The following SUMF1 variants were observed in gnomAD, a reference collection of about 807,000 sequenced individuals.
SUMF1 encodes sulfatase modifying factor 1.
A neutral mutation model predicts 47.6 loss-of-function variants in SUMF1; 48 were observed. The observed-to-expected ratio is 1.01, with a 90% CI of 0.80 to 1.28. The LOEUF (loss-of-function observed/expected upper bound fraction) is 1.28, where lower values mean the gene tolerates loss of function less well. SUMF1 is among the 50% of genes most tolerant of loss of function. SUMF1 has a pLI of 0.00. For missense variants in SUMF1, 571 were observed against 485.4 expected (o/e 1.18, Z -1.66); for synonymous variants, 230 against 192.1 (o/e 1.20, Z -1.63).
chr3:4,392,615 G>GTGTGTGTA (rs1433132957), intron 7 of SUMF1, among the ~76,000 whole-genome samples: 1 of 96,120 alleles, frequency 1.0e-5, no homozygotes, highest in East Asian at 2.4e-4. Flanking sequence ...GTGTGTGTGT[G>GTGTGTGTA]TATATATATA....
At chr3:4,279,316 A>G (rs1697483097) in intron 8 of SUMF1, among the ~76,000 whole-genome samples, 1 of 152,184 alleles carries the variant, frequency 6.6e-6, no homozygotes, top group South Asian at 2.1e-4. Context: ...TAATCTCACA[A>G]TGTAGAAACA....
intron 8 of SUMF1, among the ~76,000 whole-genome samples, chr3:4,075,518 G>C (rs1012250949): frequency 6.6e-6 from 1 of 152,032 alleles, no homozygotes; most frequent in Non-Finnish European, 1.5e-5. Context: ...AGAAAAAAAG[G>C]GTATTCAATT....
At chr3:4,231,236 T>C (rs1696292212) in intron 8 of SUMF1, among the ~76,000 whole-genome samples, 1 of 152,148 alleles carries the variant, frequency 6.6e-6, no homozygotes, top group South Asian at 2.1e-4. Flanking sequence ...AGGACTGTGA[T>C]GCAACCAACT....
intron 8 of SUMF1, among the ~76,000 whole-genome samples, chr3:4,143,401 G>T (rs570543901): frequency 5.5e-4 from 84 of 152,158 alleles, no homozygotes; most frequent in Non-Finnish European, 7.8e-4. Context: ...CAAGAAGTGA[G>T]TTTTCTTTTT....
intron 8 of SUMF1, among the ~76,000 whole-genome samples, chr3:4,159,681 C>T (rs1167639067): frequency 1.3e-5 from 2 of 151,998 alleles, no homozygotes; most frequent in East Asian, 3.9e-4. Context: ...AAATAACATC[C>T]TTTTCTTAAC....
chr3:4,084,536 G>A (rs1432841479), intron 8 of SUMF1, among the ~76,000 whole-genome samples: 2 of 152,058 alleles, frequency 1.3e-5, no homozygotes, highest in Non-Finnish European at 2.9e-5. Context: ...TACTTGATTA[G>A]TAAGAACCAA....
intron 7 of SUMF1, among the ~76,000 whole-genome samples, chr3:4,408,397 T>C (rs1301220880): frequency 6.6e-6 from 1 of 152,238 alleles, no homozygotes; most frequent in Admixed American, 6.5e-5. Flanking sequence ...CACAGTTATC[T>C]ATTACACTAT....
At chr3:4,393,328 G>A (rs997089970) in intron 7 of SUMF1, among the ~76,000 whole-genome samples, 2 of 152,034 alleles carry the variant, frequency 1.3e-5, no homozygotes, top group African/African-American at 4.8e-5. Flanking sequence ...TGAACTGACA[G>A]TTACATTTTT....
chr3:4,179,051 C>A (rs1385401105), intron 8 of SUMF1, among the ~76,000 whole-genome samples: 1 of 152,182 alleles, frequency 6.6e-6, no homozygotes, highest in African/African-American at 2.4e-5. Context: ...AGGACACAAA[C>A]AAATGGAAGA....
chr3:4,352,000 G>A (rs1687858), intron 8 of SUMF1, among the ~76,000 whole-genome samples: 81,388 of 151,994 alleles, frequency 0.54, 25,409 homozygotes, highest in African/African-American at 0.87. Flanking sequence ...AAGAATTTAA[G>A]CCCAGACAGT....
rs1159253142 is a variant in SUMF1 at position 4,298,331 on chromosome 3, A to G, written c.1014+77999T>C. On this transcript the variant is annotated intron_variant and NMD_transcript_variant, in intron 8 of 12. Coordinates refer to the SUMF1 transcript ENST00000448413. ...AAAGACTGACAGCTTGGCATTCTGA[A>G]GATTGGTTATATCAGCCTGCAAACA... Among the ~76,000 whole-genome samples, 6 of 152,214 alleles carry G rather than the reference A, an allele frequency of 3.9e-5. No individual in the cohort carries two copies. The South Asian group carries it at 8.3e-4, about 21-fold the overall frequency.
intron 8 of SUMF1, among the ~76,000 whole-genome samples, chr3:4,206,089 G>T (rs1695647144): frequency 6.6e-6 from 1 of 151,884 alleles, no homozygotes; most frequent in Admixed American, 6.6e-5. Flanking sequence ...AGGGCTTCAG[G>T]ACTCTGCTTG....
intron 7 of SUMF1, among the ~76,000 whole-genome samples, chr3:4,379,010 C>CTGTGTT (rs1700414902): frequency 6.6e-6 from 1 of 152,232 alleles, no homozygotes. Context: ...GTAGTAATGA[C>CTGTGTT]AGTCATCCCA....
intron 9 of SUMF1, among the ~76,000 whole-genome samples, chr3:4,042,437 A>G (rs1044928973): frequency 1.3e-5 from 2 of 152,186 alleles, no homozygotes; most frequent in Non-Finnish European, 2.9e-5. Flanking sequence ...CACTATCACA[A>G]TGACTGCAAA....
chr3:4,213,239 G>T (rs549076175), intron 8 of SUMF1, among the ~76,000 whole-genome samples: 1 of 152,180 alleles, frequency 6.6e-6, no homozygotes, highest in Non-Finnish European at 1.5e-5. Flanking sequence ...CAAGCCAGAA[G>T]AGAGTGGGGG....
chr3:4,428,692 A>G (rs1179504025), intron 3 of SUMF1, among the ~76,000 whole-genome samples: 2 of 138,106 alleles, frequency 1.4e-5, no homozygotes, highest in Non-Finnish European at 3.1e-5. Flanking sequence ...TACAGCGAAC[A>G]TATTTTTTAT....
intron 1 of SUMF1, among the ~76,000 whole-genome samples, chr3:4,463,306 G>C (rs1042381300): frequency 6.6e-6 from 1 of 152,110 alleles, no homozygotes; most frequent in Non-Finnish European, 1.5e-5. Flanking sequence ...CCTGGCCAAC[G>C]TGGTAAAACC....
At chr3:4,199,200 AT>A (rs1473354757) in intron 8 of SUMF1, among the ~76,000 whole-genome samples, 1 of 152,132 alleles carries the variant, frequency 6.6e-6, no homozygotes, top group East Asian at 1.9e-4. Context: ...TTCTGTCTCT[AT>A]AGTTCTGTCT....
intron 8 of SUMF1, among the ~76,000 whole-genome samples, chr3:4,138,128 T>C (rs1693988350): frequency 6.6e-6 from 1 of 152,106 alleles, no homozygotes; most frequent in Non-Finnish European, 1.5e-5. Context: ...GCGATGAACA[T>C]GGTAGAAATA....
Sources: gnomAD v4.1 joint callset for allele counts (sites outside exome capture counted in the v4.1 genomes callset) on GRCh38, gnomAD v4.1.1 for gene constraint, MANE v1.5 for transcripts, NCBI Gene and HGNC (gene_info 2026-07-23, HGNC 2026-07-21) for gene names.